The following CPD variants were observed in gnomAD, a reference collection of about 807,000 sequenced individuals.
The protein encoded by CPD is carboxypeptidase D.
Under a neutral mutation model 138.3 loss-of-function variants are expected in CPD, and 69 were observed. That is an observed-to-expected ratio of 0.50 (90% confidence interval 0.41 to 0.61). The LOEUF (loss-of-function observed/expected upper bound fraction) is 0.61. Ranked by LOEUF, CPD falls within the 20% of genes least tolerant of loss-of-function variation. The pLI is 0.00. For missense variants in CPD, 1,432 were observed against 1,733.3 expected (o/e 0.83, Z 3.09); for synonymous variants, 651 against 642.1 (o/e 1.01, Z -0.21).
intron 8 of CPD, among the ~76,000 whole-genome samples, chr17:30,434,336 C>T (rs1912644922): frequency 6.6e-6 from 1 of 152,016 alleles, no homozygotes; most frequent in Non-Finnish European, 1.5e-5. Context: ...ATGCACCTAC[C>T]CCACCTTCGC....
At chr17:30,462,626 A>G (rs1369159109) in intron 20 of CPD, among the ~76,000 whole-genome samples, 157 bp downstream of exon 20, 1 of 152,150 alleles carries the variant, frequency 6.6e-6, no homozygotes, top group African/African-American at 2.4e-5. Flanking sequence ...CTGTTCTCGC[A>G]TATGTTCTCC....
At chr17:30,399,348 T>C (rs1911591331) in intron 2 of CPD, among the ~76,000 whole-genome samples, 1 of 152,128 alleles carries the variant, frequency 6.6e-6, no homozygotes, top group South Asian at 2.1e-4. Flanking sequence ...TTGATAGTAT[T>C]ATTACATTTT....
chr17:30,404,390 A>G (rs955793018), intron 2 of CPD, among the ~76,000 whole-genome samples: 1 of 152,194 alleles, frequency 6.6e-6, no homozygotes, highest in Non-Finnish European at 1.5e-5. Flanking sequence ...TTTGCCTTGT[A>G]TATGCCGTTT....
At chr17:30,397,527 C>T (rs887679826) in intron 2 of CPD, among the ~76,000 whole-genome samples, 2 of 151,864 alleles carry the variant, frequency 1.3e-5, no homozygotes, top group African/African-American at 4.8e-5. Context: ...GAGCTGAGGA[C>T]TTCAAGACCA....
At chr17:30,421,112 A>AATCT in intron 3 of CPD, 129 bp downstream of exon 3, 1 of 652,806 alleles carries the variant, frequency 1.5e-6, no homozygotes, top group African/African-American at 1.9e-5. Context: ...TTAAGATTAT[A>AATCT]AATTATCTTT....
intron 6 of CPD, among the ~76,000 whole-genome samples, chr17:30,426,933 C>T (rs1350659832): frequency 6.6e-6 from 1 of 152,108 alleles, no homozygotes; most frequent in Non-Finnish European, 1.5e-5. Context: ...GTAATCCTAG[C>T]ACTTTGGGAG....
At chr17:30,447,095 A>G (rs1178320682) in intron 12 of CPD, among the ~76,000 whole-genome samples, 2 of 152,140 alleles carry the variant, frequency 1.3e-5, no homozygotes, top group Non-Finnish European at 1.5e-5. Context: ...AGATGAGTAG[A>G]TTGCAAAAAT....
chr17:30,421,083 A>C, intron 3 of CPD, 100 bp downstream of exon 3: 3 of 842,840 alleles, frequency 3.6e-6, no homozygotes, highest in Non-Finnish European at 5.2e-6. Context: ...ATTAGATGTC[A>C]TTTATCTCTT....
intron 7 of CPD, among the ~76,000 whole-genome samples, chr17:30,429,457 T>G (rs1303755892): frequency 6.6e-6 from 1 of 152,220 alleles, no homozygotes; most frequent in Non-Finnish European, 1.5e-5. Context: ...AAATCCTTAT[T>G]TAAATGGAGT....
At chr17:30,410,300 G>A (rs1254887651) in intron 2 of CPD, among the ~76,000 whole-genome samples, 1 of 152,222 alleles carries the variant, frequency 6.6e-6, no homozygotes, top group Non-Finnish European at 1.5e-5. Context: ...TTTCGCATAA[G>A]TGTGATATGA....
In CPD at chr17:30,456,278, G is replaced by C. The variant is rs750980466; in HGVS notation, c.3360G>C (p.Lys1120Asn). The C allele has an allele frequency of 3.1e-6, 5 of 1,613,780 alleles. No homozygotes were observed. The African/African-American group carries it at 5.3e-5, about 17-fold the overall frequency. ...TAGTGGAAAATAAAGAGACTCTGAA[G>C]CATTTGGCATCTCTTTATGCAAATA... ...VQTVENKETLKHLASLYANNH... is the reference protein window; with the variant it reads ...VQTVENKETLNHLASLYANNH... The change falls in exon 16 of 21, where the codon AAG becomes AAC. Residue 1120 changes from lysine (K) to asparagine (N), a missense_variant. By Grantham distance (94) the Lys-to-Asn change is moderately conservative (BLOSUM62 0). Transcript: ENST00000225719.
intron 12 of CPD, 88 bp from the exon 13 acceptor site, chr17:30,449,465 G>C (rs1913109634): frequency 2.4e-6 from 3 of 1,231,840 alleles, no homozygotes; most frequent in Non-Finnish European, 3.4e-6. Flanking sequence ...TTTGTGTTTT[G>C]TTTTCATTTC....
chr17:30,381,453 AT>A (rs1911044114), intron 1 of CPD, among the ~76,000 whole-genome samples: 1 of 152,148 alleles, frequency 6.6e-6, no homozygotes, highest in Admixed American at 6.5e-5. Flanking sequence ...ATACAGAGTC[AT>A]TTTGGTCTGT....
In CPD at chr17:30,451,040, G is replaced by A. The variant is rs141448095; in HGVS notation, c.3070-671G>A. ...TTATTGAATACATATTTTGTGCTGG[G>A]TAATATACCAGGTATTTTATATACG... is the stretch of plus-strand genomic sequence containing the variant. On this transcript the variant is annotated intron_variant, in intron 13 of 20. Transcript: ENST00000225719. Among the ~76,000 whole-genome samples the A allele has an allele frequency of 4.4e-3, 670 of 152,278 alleles. 3 individuals are homozygous for A. The highest frequency in any genetic ancestry group is 0.014 in the African/African-American group (601 of 41,544).
chr17:30,401,274 T>C (rs970307504), intron 2 of CPD, among the ~76,000 whole-genome samples: 16 of 151,584 alleles, frequency 1.1e-4, no homozygotes, highest in Non-Finnish European at 2.2e-4. Flanking sequence ...TCCTCCTCCT[T>C]CTTCCTTCTC....
intron 3 of CPD, among the ~76,000 whole-genome samples, chr17:30,421,202 T>C (rs1056889398): frequency 6.6e-6 from 1 of 152,212 alleles, no homozygotes; most frequent in Admixed American, 6.5e-5. Context: ...CTCTGCTCCA[T>C]AGGGCTTCCT....
At chr17:30,456,734 T>C (rs1597737218) in intron 17 of CPD, 3 of 453,390 alleles carry the variant, frequency 6.6e-6, no homozygotes, top group East Asian at 4.3e-5. Context: ...CCCAGCTACT[T>C]GGGAGGCTGA....
chr17:30,391,108 G>A (rs1332816139), intron 2 of CPD, among the ~76,000 whole-genome samples: 4 of 149,056 alleles, frequency 2.7e-5, no homozygotes, highest in South Asian at 2.1e-4. Flanking sequence ...GGGATTACAG[G>A]CCTGAGCTAC....
chr17:30,379,526 C>G lies in CPD; in HGVS notation c.546C>G (p.Leu182=), dbSNP rs1484021644. The G allele has an allele frequency of 6.4e-7, 1 of 1,567,398 alleles. No homozygotes were observed. The highest frequency in any genetic ancestry group is 8.6e-7 in the Non-Finnish European group (1 of 1,162,356). ...CCGACGTGTACCTGCTGCCCAGCCT[C>G]AACCCCGATGGCTTCGAGCGTGCCC... The part of the protein sequence containing the change: ...NTTDVYLLPS[L]NPDGFERARE... The change falls in exon 1 of 21, where the codon CTC becomes CTG. Residue 182 remains leucine (L), a synonymous_variant. Coordinates refer to ENST00000225719, the MANE Select transcript of CPD (RefSeq NM_001304.5). This position sits in a 1 kb window ranked among gnomAD's most constrained non-coding sequence, Gnocchi z 7.0.
Sources: allele counts gnomAD v4.1 joint callset (sites outside exome capture counted in the v4.1 genomes callset), GRCh38; gene constraint gnomAD v4.1.1; non-coding constraint Gnocchi (gnomAD v3.1); transcripts MANE v1.5; gene names NCBI Gene and HGNC (gene_info 2026-07-23, HGNC 2026-07-21).